ATP10D: variants seen among roughly 807,000 people sequenced by gnomAD.
The protein encoded by ATP10D is ATPase phospholipid transporting 10D (putative).
Under a neutral mutation model 144.8 loss-of-function variants are expected in ATP10D, and 89 were observed. The observed-to-expected ratio is 0.61, with a 90% CI of 0.52 to 0.73. ATP10D has a LOEUF of 0.73. ATP10D is among the 30% of genes least tolerant of loss of function. The pLI, the probability that ATP10D is intolerant of heterozygous loss-of-function variation, is 0.00. For synonymous variants in ATP10D, 571 were observed against 615.1 expected, an observed-to-expected ratio of 0.93 and a Z score of 1.06; for missense variants, 1,603 against 1,714.8, an observed-to-expected ratio of 0.93 and a Z score of 1.15.
chr4:47,487,816 T>C (rs113549977), intron 1 of ATP10D, among the ~76,000 whole-genome samples: 55 of 152,264 alleles, frequency 3.6e-4, no homozygotes, highest in African/African-American at 1.3e-3. Context: ...ATACAACTAT[T>C]TGAGGCAATT....
chr4:47,530,511 G>C (rs780773197), intron 5 of ATP10D, among the ~76,000 whole-genome samples: 19 of 152,106 alleles, frequency 1.2e-4, no homozygotes, highest in Non-Finnish European at 1.8e-4. Flanking sequence ...GGCTAGAGCA[G>C]AGTGGTGCGA....
At chr4:47,491,427 G>A in intron 1 of ATP10D, 1 of 719,434 alleles carries the variant, frequency 1.4e-6, no homozygotes, top group South Asian at 1.4e-5. Flanking sequence ...GAACATGTAT[G>A]GGGTGCCGCT....
At chr4:47,540,692 A>G (rs1718091938) in intron 9 of ATP10D, among the ~76,000 whole-genome samples, 1 of 152,182 alleles carries the variant, frequency 6.6e-6, no homozygotes, top group South Asian at 2.1e-4. Context: ...TAATGAACAA[A>G]TGCTGATACA....
chr4:47,554,743 A>G lies in ATP10D; in HGVS notation c.1653A>G (p.Pro551=), dbSNP rs776169220. ...ATCTTCAGGAAACAGACGTGGTACC[A>G]GACACCAGGCTTTTAGACAAATTTA... ...FSSPIETDVV[P]DTRLLDKFSQ... The change falls in exon 11 of 23, where the codon CCA becomes CCG. Residue 551 remains proline, a synonymous_variant. Transcript: ENST00000273859. 9.3e-6 allele frequency: 15 copies of G among 1,612,488 alleles called. No homozygotes were observed. Among genetic ancestry groups the G allele is most frequent in the African/African-American group, 1.3e-5 (1 of 74,996 alleles).
At chr4:47,573,033 C>A in intron 18 of ATP10D, 36 bp downstream of exon 18, 2 of 1,607,456 alleles carry the variant, frequency 1.2e-6, no homozygotes, top group Non-Finnish European at 1.7e-6. Context: ...CTTTTCCCTT[C>A]GTACCTTCCA....
chr4:47,570,585 C>G (rs145625677), intron 16 of ATP10D, among the ~76,000 whole-genome samples: 65 of 152,150 alleles, frequency 4.3e-4, no homozygotes, highest in Non-Finnish European at 7.8e-4. Flanking sequence ...GGGTGGATCA[C>G]TTGAGGTCAG....
At chr4:47,562,066 T>A (rs1719344114) in intron 14 of ATP10D, among the ~76,000 whole-genome samples, 1 of 152,148 alleles carries the variant, frequency 6.6e-6, no homozygotes, top group Non-Finnish European at 1.5e-5. Flanking sequence ...GCTCCATGGG[T>A]TTAGTGCCAA....
In ATP10D at chr4:47,525,644, T is replaced by G. The variant is rs1421358790; in HGVS notation, c.776+2T>G. On this transcript the variant is annotated splice_donor_variant, in intron 5 of 22. Transcript: ENST00000273859. LOFTEE classifies it high-confidence loss of function. ...CCTCAGCAGATTCCGAGGCTTCCTGTGAGTAATACATGATGAACATTTGTG... is the reference window on the plus strand; with the variant it reads ...CCTCAGCAGATTCCGAGGCTTCCTGGGAGTAATACATGATGAACATTTGTG... 6.2e-7 allele frequency: 1 copy of G among 1,604,242 alleles called. No homozygotes were observed. Among genetic ancestry groups the G allele is most frequent in the South Asian group, 1.1e-5 (1 of 90,848 alleles).
At chr4:47,515,823 A>G (rs1716649001) in intron 3 of ATP10D, among the ~76,000 whole-genome samples, 153 bp downstream of exon 3, 1 of 152,218 alleles carries the variant, frequency 6.6e-6, no homozygotes, top group African/African-American at 2.4e-5. Context: ...GTAAAGTCCT[A>G]TGGTGAATTT....
chr4:47,579,589 G>A (rs907417651), intron 19 of ATP10D, among the ~76,000 whole-genome samples: 2 of 152,216 alleles, frequency 1.3e-5, no homozygotes, highest in East Asian at 1.9e-4. Context: ...ATTCCTGGCA[G>A]AGAGACTAGC....
At chr4:47,549,644 A>C (rs1201123201) in intron 10 of ATP10D, among the ~76,000 whole-genome samples, 1 of 152,248 alleles carries the variant, frequency 6.6e-6, no homozygotes, top group Non-Finnish European at 1.5e-5. Flanking sequence ...AGAGACATAT[A>C]AATGAATAAT....
intron 10 of ATP10D, among the ~76,000 whole-genome samples, chr4:47,553,183 C>CT (rs1718808970): frequency 6.6e-6 from 1 of 152,194 alleles, no homozygotes; most frequent in Non-Finnish European, 1.5e-5. Flanking sequence ...CTTCTATTGA[C>CT]TTTGGCAAGG....
intron 13 of ATP10D, 125 bp downstream of exon 13, chr4:47,559,154 C>T: frequency 3.0e-6 from 2 of 661,210 alleles, no homozygotes; most frequent in Non-Finnish European, 5.2e-6. Context: ...CACTGGCTCT[C>T]TTTTTACCTT....
At chr4:47,545,926 G>A (rs191358084) in intron 9 of ATP10D, among the ~76,000 whole-genome samples, 119 of 152,288 alleles carry the variant, frequency 7.8e-4, no homozygotes, top group Non-Finnish European at 1.5e-3. Context: ...CAAGGAAGAT[G>A]CAGGTAGAGA....
At chr4:47,536,148 T>C in intron 7 of ATP10D, 115 bp downstream of exon 7, 1 of 1,227,628 alleles carries the variant, frequency 8.1e-7, no homozygotes, top group South Asian at 1.5e-5. Context: ...GTCAGTAGTG[T>C]TTTACCTCAT....
intron 19 of ATP10D, 119 bp from the exon 20 acceptor site, chr4:47,580,279 A>G: frequency 1.2e-6 from 1 of 811,888 alleles, no homozygotes; most frequent in South Asian, 1.5e-5. Flanking sequence ...GTTGACAAAT[A>G]CCACTTGAAG....
chr4:47,584,376 G>C (rs1720679669), intron 21 of ATP10D, among the ~76,000 whole-genome samples: 1 of 151,746 alleles, frequency 6.6e-6, no homozygotes, highest in African/African-American at 2.4e-5. Context: ...TTTTGTTGTT[G>C]TTTTTTGTTT....
intron 20 of ATP10D, among the ~76,000 whole-genome samples, chr4:47,580,797 C>G (rs1720475218): frequency 1.3e-5 from 2 of 152,144 alleles, no homozygotes; most frequent in Non-Finnish European, 2.9e-5. Flanking sequence ...CACAGTGGCT[C>G]ACACCTGTAA....
intron 1 of ATP10D, among the ~76,000 whole-genome samples, chr4:47,507,060 AG>A (rs2109395223): frequency 6.6e-6 from 1 of 152,344 alleles, no homozygotes; most frequent in South Asian, 2.1e-4. Context: ...TTACTAAAGC[AG>A]AGTGTGACCA....
Sources: allele counts gnomAD v4.1 joint callset (sites outside exome capture counted in the v4.1 genomes callset), GRCh38; gene constraint gnomAD v4.1.1; transcripts MANE v1.5; gene names NCBI Gene and HGNC (gene_info 2026-07-23, HGNC 2026-07-21).